Variants in KCNIP4 observed in about 807,000 individuals in gnomAD.
KCNIP4 encodes the protein Kv channel-interacting protein 4.
Under a neutral mutation model 34.0 loss-of-function variants are expected in KCNIP4, and 12 were observed. The observed-to-expected ratio is 0.35, with a 90% CI of 0.23 to 0.57. The LOEUF (loss-of-function observed/expected upper bound fraction) is 0.57. Ranked by LOEUF, KCNIP4 falls within the 20% of genes least tolerant of loss-of-function variation. The probability of loss-of-function intolerance (pLI) is 0.83; values close to 1 mark genes in which losing one functional copy is unlikely to be tolerated. For missense variants in KCNIP4, 238 were observed against 311.7 expected (o/e 0.76, Z 1.78); for synonymous variants, 124 against 102.2 (o/e 1.21, Z -1.29).
rs368526954 is a variant in KCNIP4 at position 20,882,627 on chromosome 4, C to T, written c.144G>A (p.Thr48=). 14 of 1,612,736 alleles carry T rather than the reference C, an allele frequency of 8.7e-6. No individual in the cohort carries two copies. Among genetic ancestry groups the T allele is most frequent in the African/African-American group, 5.4e-5 (4 of 74,722 alleles). Residue 48 remains threonine, a synonymous_variant, in exon 2 of 9, where the codon ACG becomes ACA. Coordinates refer to ENST00000382152, the MANE Select transcript of KCNIP4 (RefSeq NM_025221.6). ...ACTTGCTTTGAATAGCAGGAGACGA[C>T]GTTTTGGCAGCTGAGCAGGGCAAGA... is the stretch of plus-strand genomic sequence containing the variant. ...MKLLPCSAAK[T]SSPAIQNSVE...
chr4:20,985,239 C>T (rs897507006), intron 1 of KCNIP4, among the ~76,000 whole-genome samples: 3 of 152,128 alleles, frequency 2.0e-5, no homozygotes, highest in Admixed American at 1.3e-4. Context: ...ATAACAGGTC[C>T]TATTCTATGC....
At chr4:20,912,730 A>G (rs1728444904) in intron 1 of KCNIP4, among the ~76,000 whole-genome samples, 1 of 152,182 alleles carries the variant, frequency 6.6e-6, no homozygotes, top group South Asian at 2.1e-4. Flanking sequence ...AAGAAATTTG[A>G]ATAGGTTTAT....
In KCNIP4 at chr4:21,066,318, G is replaced by T. The variant is rs1744377866; in HGVS notation, c.62-183609C>A. On this transcript the variant is annotated intron_variant, in intron 1 of 8. Coordinates refer to ENST00000382152, the MANE Select transcript of KCNIP4 (RefSeq NM_025221.6). ...GAAGGCCAAGCAACATGGTCAAATAGAAGCACCCAGCAATTATCTCTCTTC... is the reference window on the plus strand; with the variant it reads ...GAAGGCCAAGCAACATGGTCAAATATAAGCACCCAGCAATTATCTCTCTTC... Among the ~76,000 whole-genome samples, 3 of 152,212 alleles carry T rather than the reference G, an allele frequency of 2.0e-5. No individual in the cohort carries two copies. The South Asian group carries it at 6.2e-4, about 32-fold the overall frequency.
intron 1 of KCNIP4, among the ~76,000 whole-genome samples, chr4:21,463,620 A>G (rs1201048353): frequency 6.6e-6 from 1 of 151,890 alleles, no homozygotes; most frequent in Non-Finnish European, 1.5e-5. Flanking sequence ...CTAGTATTTT[A>G]TTGAGAAATT....
chr4:21,867,810 C>G (rs2109360862), intron 1 of KCNIP4, among the ~76,000 whole-genome samples: 1 of 152,282 alleles, frequency 6.6e-6, no homozygotes, highest in East Asian at 1.9e-4. Flanking sequence ...TCTTCTTAAT[C>G]TTTTTAGAGC....
chr4:21,079,474 C>T (rs116834828), intron 1 of KCNIP4, among the ~76,000 whole-genome samples: 1,660 of 150,194 alleles, frequency 0.011, 63 homozygotes, highest in African/African-American at 0.04. Flanking sequence ...TGCCATCCTA[C>T]ACTTTTTACA....
intron 3 of KCNIP4, among the ~76,000 whole-genome samples, chr4:20,815,979 T>C (rs1420884363): frequency 6.6e-6 from 1 of 152,142 alleles, no homozygotes; most frequent in Non-Finnish European, 1.5e-5. Flanking sequence ...CTGGGAGTGG[T>C]AGCTCATGTC....
intron 1 of KCNIP4, among the ~76,000 whole-genome samples, chr4:21,407,808 C>T (rs1724123758): frequency 6.6e-6 from 1 of 152,100 alleles, no homozygotes; most frequent in Non-Finnish European, 1.5e-5. Flanking sequence ...GACAAGCCGT[C>T]CCTCTTTCAA....
At chr4:21,389,833 G>A (rs1042671988) in intron 1 of KCNIP4, among the ~76,000 whole-genome samples, 5 of 151,938 alleles carry the variant, frequency 3.3e-5, no homozygotes, top group African/African-American at 7.3e-5. Context: ...AGGATGGCTG[G>A]GTCAAATGGT....
intron 1 of KCNIP4, among the ~76,000 whole-genome samples, chr4:20,968,077 T>A (rs958832625): frequency 9.2e-5 from 14 of 151,976 alleles, no homozygotes; most frequent in African/African-American, 3.1e-4. Flanking sequence ...CTTAAAAAAA[T>A]TTACAAGAAA....
intron 1 of KCNIP4, among the ~76,000 whole-genome samples, chr4:21,101,550 C>A (rs115144192): frequency 0.019 from 2,843 of 151,964 alleles, 51 homozygotes; most frequent in Non-Finnish European, 0.026. Flanking sequence ...CAAAGAAGGG[C>A]AGATATGTAG....
intron 1 of KCNIP4, among the ~76,000 whole-genome samples, chr4:21,404,313 A>G (rs1394133506): frequency 6.6e-6 from 1 of 152,206 alleles, no homozygotes; most frequent in Non-Finnish European, 1.5e-5. Context: ...TTAGAATACA[A>G]GCTCCTTGTT....
chr4:21,124,203 C>T (rs1168648422), intron 1 of KCNIP4, among the ~76,000 whole-genome samples: 1 of 151,986 alleles, frequency 6.6e-6, no homozygotes, highest in Non-Finnish European at 1.5e-5. Flanking sequence ...CAACGTCATA[C>T]AGTGTTTGGA....
chr4:21,512,905 C>A (rs1371533038), intron 1 of KCNIP4, among the ~76,000 whole-genome samples: 2 of 152,286 alleles, frequency 1.3e-5, no homozygotes, highest in East Asian at 3.9e-4. Flanking sequence ...CACAATCTCG[C>A]TTTATGGCAG....
chr4:21,048,875 A>T (rs1488517555), intron 1 of KCNIP4, among the ~76,000 whole-genome samples: 1 of 144,084 alleles, frequency 6.9e-6, no homozygotes, highest in African/African-American at 2.5e-5. Context: ...CCACTTGGGG[A>T]TGCTGCATGG....
chr4:21,856,518 C>T (rs377313042), intron 1 of KCNIP4, among the ~76,000 whole-genome samples: 75 of 152,310 alleles, frequency 4.9e-4, no homozygotes, highest in African/African-American at 1.8e-3. Flanking sequence ...AGCTCCACCC[C>T]CTTCTGAGTT....
chr4:21,797,320 A>G (rs73256558), intron 1 of KCNIP4, among the ~76,000 whole-genome samples: 52,619 of 151,888 alleles, frequency 0.35, 10,799 homozygotes, highest in Non-Finnish European at 0.48. Flanking sequence ...TAATTAATTT[A>G]TTTTTTAAGA....
intron 1 of KCNIP4, among the ~76,000 whole-genome samples, chr4:21,281,036 T>C (rs981810814): frequency 2.6e-5 from 4 of 151,842 alleles, no homozygotes; most frequent in African/African-American, 9.7e-5. Context: ...CTTTATCCTC[T>C]CTATAATAGT....
chr4:20,977,354 C>T (rs1560616307), intron 1 of KCNIP4, among the ~76,000 whole-genome samples: 1 of 152,134 alleles, frequency 6.6e-6, no homozygotes, highest in Non-Finnish European at 1.5e-5. Context: ...AAAATGAGCT[C>T]AAACCCTGTA....
Sources: gnomAD v4.1 joint callset for allele counts (sites outside exome capture counted in the v4.1 genomes callset) on GRCh38, gnomAD v4.1.1 for gene constraint, MANE v1.5 for transcripts, NCBI Gene and HGNC (gene_info 2026-07-23, HGNC 2026-07-21) for gene names.